Variants in HOOK3 observed in about 807,000 individuals in gnomAD.
HOOK3 encodes hook microtubule tethering protein 3.
In HOOK3, 24 loss-of-function variants were observed where a neutral mutation model predicts 116.3. The observed-to-expected ratio is 0.21, with a 90% confidence interval of 0.15 to 0.29. HOOK3 has a LOEUF of 0.29. Among genes scored for constraint, HOOK3 ranks in the 10% least tolerant of loss-of-function variants. The pLI is 1.00. For synonymous variants in HOOK3, 275 were observed against 283.0 expected (o/e 0.97, Z 0.28); for missense variants, 632 against 830.2 (o/e 0.76, Z 2.93).
In HOOK3 at chr8:42,916,688, A is replaced by T. The variant is rs373148134; in HGVS notation, c.144-8869A>T. Reference sequence around the variant, plus strand: ...AGTATAATCCACACCTGTAGCTTAAAGGTGTCTAGCCAGTCACTAATCAAT... The same window carrying T: ...AGTATAATCCACACCTGTAGCTTAATGGTGTCTAGCCAGTCACTAATCAAT... On this transcript the variant is annotated intron_variant, in intron 2 of 21. Coordinates refer to ENST00000307602, the MANE Select transcript of HOOK3 (RefSeq NM_032410.4). Among the ~76,000 whole-genome samples the T allele has an allele frequency of 5.9e-5, 9 of 152,226 alleles. No individual in the cohort carries two copies. In the East Asian group the frequency reaches 1.3e-3, roughly 23 times the overall value.
In HOOK3 at chr8:43,027,646, A is replaced by G. The variant is rs548689199; in HGVS notation, c.*9148A>G. 3 of 212,742 alleles carry G rather than the reference A, an allele frequency of 1.4e-5. No homozygotes were observed. Among genetic ancestry groups the G allele is most frequent in the African/African-American group, 6.8e-5 (3 of 44,024 alleles). The allele number at this position is 212,742 out of a possible 1,614,324, so 13.2% of individuals were successfully genotyped here. On this transcript the variant is annotated 3_prime_UTR_variant, in exon 22 of 22. Coordinates refer to ENST00000307602, the MANE Select transcript of HOOK3 (RefSeq NM_032410.4). Reference sequence around the variant, plus strand: ...ATAAGGACGAAATACAATGTTCTGAATATCTTCCACTAATTAATTGTTGAA... The same window carrying G: ...ATAAGGACGAAATACAATGTTCTGAGTATCTTCCACTAATTAATTGTTGAA...
At chr8:42,974,371 G>A (rs1808780536) in intron 13 of HOOK3, among the ~76,000 whole-genome samples, 177 bp downstream of exon 13, 1 of 152,150 alleles carries the variant, frequency 6.6e-6, no homozygotes, top group Non-Finnish European at 1.5e-5. Flanking sequence ...CTCCCAAGTA[G>A]TTGGGATTAC....
At chr8:42,988,275 C>T (rs546240458) in intron 15 of HOOK3, among the ~76,000 whole-genome samples, 15 of 152,224 alleles carry the variant, frequency 9.9e-5, no homozygotes, top group African/African-American at 3.6e-4. Context: ...GGTGGGCAGT[C>T]CCTCTGGTGC....
chr8:43,013,263 G>A (rs1006038713), intron 20 of HOOK3, 66 bp from the exon 21 acceptor site: 3 of 1,396,362 alleles, frequency 2.1e-6, no homozygotes, highest in Admixed American at 2.2e-5. Context: ...TTAATTGTAA[G>A]TATTTTATTT....
At chr8:42,947,547 TC>T (rs1172461332) in intron 5 of HOOK3, among the ~76,000 whole-genome samples, 1 of 152,152 alleles carries the variant, frequency 6.6e-6, no homozygotes, top group African/African-American at 2.4e-5. Flanking sequence ...AGATTGAGTT[TC>T]CCCCCAAAAT....
intron 1 of HOOK3, among the ~76,000 whole-genome samples, chr8:42,902,000 G>A (rs868566952): frequency 4.0e-5 from 6 of 151,766 alleles, no homozygotes; most frequent in Middle Eastern, 3.5e-3. Flanking sequence ...GAGCCACCGT[G>A]CCAGGCCCAG....
chr8:42,995,972 A>G (rs1809256324), intron 15 of HOOK3, among the ~76,000 whole-genome samples: 1 of 152,142 alleles, frequency 6.6e-6, no homozygotes, highest in African/African-American at 2.4e-5. Context: ...TGTCTGACAT[A>G]CTACCTGTGT....
At chr8:42,956,369 TTAAG>T (rs1406123332) in intron 6 of HOOK3, among the ~76,000 whole-genome samples, 2 of 152,126 alleles carry the variant, frequency 1.3e-5, no homozygotes, top group African/African-American at 2.4e-5. Context: ...GCCACTATTT[TTAAG>T]TATGTAGCCA....
rs536191699 is a variant in HOOK3, at chr8:42,906,197, C to G, written c.82C>G (p.Pro28Ala). The change falls in exon 2 of 22, where the codon CCA becomes GCA. Residue 28 changes from proline (P) to alanine (A), a missense_variant. Transcript: ENST00000307602. The stretch of plus-strand genomic sequence containing the variant: ...GATCCAGACATTTAATGTGGATGCA[C>G]CATGCCAGACCGTGGAAGATTTAAC... ...TWIQTFNVDA[P>A]CQTVEDLTNG... 7.1e-7 allele frequency: 1 copy of G among 1,413,758 alleles called. No homozygotes were observed. Among genetic ancestry groups the G allele is most frequent in the South Asian group, 1.1e-5 (1 of 88,268 alleles). The allele number at this position is 1,413,758 out of a possible 1,614,324, so 87.6% of individuals were successfully genotyped here. A position where few individuals can be genotyped will look rare whatever the true frequency, so the allele number is the denominator to read the frequency against.
intron 2 of HOOK3, among the ~76,000 whole-genome samples, chr8:42,915,477 G>A (rs548729335): frequency 2.0e-5 from 3 of 152,182 alleles, no homozygotes; most frequent in East Asian, 3.9e-4. Context: ...TGTTGCCCAG[G>A]TCGGAGAGCA....
intron 2 of HOOK3, among the ~76,000 whole-genome samples, chr8:42,908,235 A>G (rs886587680): frequency 6.6e-6 from 1 of 152,238 alleles, no homozygotes; most frequent in African/African-American, 2.4e-5. Context: ...AAATGCCCAT[A>G]CTACTGAAAG....
At chr8:42,977,084 A>G (rs1808844629) in intron 13 of HOOK3, among the ~76,000 whole-genome samples, 1 of 152,214 alleles carries the variant, frequency 6.6e-6, no homozygotes, top group African/African-American at 2.4e-5. Context: ...AGGCAGATGT[A>G]AAGTAAAATT....
chr8:42,961,900 C>T (rs1278318803), intron 8 of HOOK3, among the ~76,000 whole-genome samples: 1 of 152,166 alleles, frequency 6.6e-6, no homozygotes, highest in Non-Finnish European at 1.5e-5. Context: ...AATCCTCCCA[C>T]CTCATCCTCC....
intron 13 of HOOK3, among the ~76,000 whole-genome samples, chr8:42,977,487 A>G (rs1044514843): frequency 2.6e-5 from 4 of 152,036 alleles, no homozygotes; most frequent in Non-Finnish European, 5.9e-5. Context: ...CAAACTTTCA[A>G]TCACTAAGAG....
chr8:43,005,788 C>T (rs1809473679), intron 17 of HOOK3, among the ~76,000 whole-genome samples: 1 of 151,554 alleles, frequency 6.6e-6, no homozygotes, highest in South Asian at 2.1e-4. Context: ...CCTCTGCCTC[C>T]CGGGTTCAAG....
intron 11 of HOOK3, among the ~76,000 whole-genome samples, chr8:42,970,782 C>CTTTTTTTTTTTTTTTTTTT: frequency 1.1e-5 from 1 of 93,858 alleles, no homozygotes; most frequent in Admixed American, 1.1e-4. Context: ...GAATTTGGGT[C>CTTTTTTTTTTTTTTTTTTT]TTTTTTTTTT....
At chr8:42,904,825 T>A (rs1444405533) in intron 1 of HOOK3, among the ~76,000 whole-genome samples, 1 of 152,188 alleles carries the variant, frequency 6.6e-6, no homozygotes, top group African/African-American at 2.4e-5. Flanking sequence ...AAGCTGCTCT[T>A]CATACCTAAA....
intron 6 of HOOK3, among the ~76,000 whole-genome samples, chr8:42,956,475 A>G (rs769265849): frequency 3.9e-5 from 6 of 152,132 alleles, no homozygotes; most frequent in Non-Finnish European, 7.3e-5. Context: ...GAGCATCAGA[A>G]TTTAGACCTC....
At chr8:42,929,792 G>A (rs899193774) in intron 3 of HOOK3, among the ~76,000 whole-genome samples, 1 of 152,102 alleles carries the variant, frequency 6.6e-6, no homozygotes, top group Non-Finnish European at 1.5e-5. Context: ...TCTTCATTAA[G>A]GATGGCATAT....
Sources: allele counts gnomAD v4.1 joint callset (sites outside exome capture counted in the v4.1 genomes callset), GRCh38; gene constraint gnomAD v4.1.1; transcripts MANE v1.5; gene names NCBI Gene and HGNC (gene_info 2026-07-23, HGNC 2026-07-21).